The following WDR59 variants were observed in gnomAD, a reference collection of about 807,000 sequenced individuals.
WDR59 encodes the protein GATOR2 complex protein WDR59.
In WDR59, 100 loss-of-function variants were observed where a neutral mutation model predicts 131.2. The ratio of observed to expected loss-of-function variants is 0.76; its 90% CI spans 0.65 to 0.90. The LOEUF is 0.90. Ranked by LOEUF, WDR59 falls within the 40% of genes least tolerant of loss-of-function variation. WDR59 has a pLI of 0.00. For synonymous variants in WDR59, 601 were observed against 466.2 expected (o/e 1.29, Z -3.72); for missense variants, 1,203 against 1,262.2 (o/e 0.95, Z 0.71).
intron 25 of WDR59, among the ~76,000 whole-genome samples, chr16:74,876,422 T>G (rs111605960): frequency 7.2e-4 from 110 of 152,346 alleles, no homozygotes; most frequent in Middle Eastern, 6.8e-3. Context: ...TATTGTGTGT[T>G]CAGGTAAATT....
intron 16 of WDR59, among the ~76,000 whole-genome samples, chr16:74,909,226 G>A (rs575263506): frequency 4.5e-4 from 68 of 152,212 alleles, no homozygotes; most frequent in African/African-American, 1.5e-3. Flanking sequence ...CCTACCAGGC[G>A]AATGCCCCCT....
At chr16:74,886,649 G>A (rs1964779184) in intron 23 of WDR59, among the ~76,000 whole-genome samples, 1 of 152,224 alleles carries the variant, frequency 6.6e-6, no homozygotes, top group Admixed American at 6.5e-5. Context: ...GCTGGGCGTT[G>A]TGGCTCATGC....
At chr16:74,925,944 C>G (rs1056357182) in intron 8 of WDR59, among the ~76,000 whole-genome samples, 2 of 150,360 alleles carry the variant, frequency 1.3e-5, no homozygotes. Flanking sequence ...ATGATCATAC[C>G]ACTGCACTCC....
chr16:74,915,577 ATTTTT>A, intron 13 of WDR59: 5 of 189,748 alleles, frequency 2.6e-5, no homozygotes, highest in Non-Finnish European at 4.2e-5. Flanking sequence ...TTACAGGCTA[ATTTTT>A]TTTTTTTTTT....
intron 18 of WDR59, among the ~76,000 whole-genome samples, chr16:74,896,310 G>C (rs906607933): frequency 6.6e-6 from 1 of 152,122 alleles, no homozygotes; most frequent in African/African-American, 2.4e-5. Context: ...TGAAGGATGA[G>C]GTCTACTAGC....
intron 2 of WDR59, among the ~76,000 whole-genome samples, chr16:74,958,529 G>A (rs1242104278): frequency 7.4e-6 from 1 of 134,442 alleles, no homozygotes; most frequent in Non-Finnish European, 1.5e-5. Flanking sequence ...GGAGGCAGAG[G>A]TTGCAGTGAG....
intron 8 of WDR59, among the ~76,000 whole-genome samples, chr16:74,927,434 ACAAATTAGCCAGG>A: frequency 6.6e-6 from 1 of 151,944 alleles, no homozygotes; most frequent in East Asian, 1.9e-4. Context: ...CTAAAAATAC[ACAAATTAGCCAGG>A]CATGGTGGCA....
At chr16:74,925,657 G>A (rs56368236) in intron 8 of WDR59, among the ~76,000 whole-genome samples, 88,673 of 151,866 alleles carry the variant, frequency 0.58, 26,664 homozygotes, top group East Asian at 0.71. Context: ...GGAATAACAC[G>A]AGGTAGCTCT....
At chr16:74,935,661 G>A (rs911351983) in intron 8 of WDR59, among the ~76,000 whole-genome samples, 2 of 152,024 alleles carry the variant, frequency 1.3e-5, no homozygotes, top group Admixed American at 6.6e-5. Flanking sequence ...TAAAAAAATG[G>A]TTGAATGTTA....
intron 1 of WDR59, among the ~76,000 whole-genome samples, chr16:74,983,845 G>A (rs990475657): frequency 1.3e-5 from 2 of 151,542 alleles, no homozygotes; most frequent in Admixed American, 1.3e-4. Context: ...CGGGCGTGTT[G>A]GCATGCGCCT....
intron 1 of WDR59, among the ~76,000 whole-genome samples, chr16:74,973,316 G>T (rs969595118): frequency 1.8e-5 from 1 of 55,148 alleles, no homozygotes; most frequent in Non-Finnish European, 7.0e-5. Flanking sequence ...TGGGGTTGGC[G>T]GGGGGGCCGG....
At position 74,897,687 on chromosome 16, in the gene WDR59, G is replaced by C. The variant is rs1008702473; in HGVS notation, c.1867-3875C>G. On this transcript the variant is annotated intron_variant, in intron 18 of 25. Transcript: ENST00000262144. ...ACAAAGGATCACCCTAATTAGAGTT[G>C]CTACCGGAACCAAACTGTAAAAGCA... Among the ~76,000 whole-genome samples the C allele has an allele frequency of 4.6e-5, 7 of 152,182 alleles. No individual in the cohort carries two copies. The South Asian group carries it at 1.4e-3, about 32-fold the overall frequency.
chr16:74,972,246 G>T (rs901341676), intron 1 of WDR59, among the ~76,000 whole-genome samples: 1 of 152,102 alleles, frequency 6.6e-6, no homozygotes, highest in Non-Finnish European at 1.5e-5. Context: ...TGATTCTCTT[G>T]GAGTAAATAT....
intron 18 of WDR59, chr16:74,899,592 C>CA: frequency 1.1e-6 from 1 of 935,834 alleles, no homozygotes; most frequent in Non-Finnish European, 1.5e-6. Flanking sequence ...GAAAACAGCT[C>CA]GCCTGTCATT....
chr16:74,971,426 C>CTTTTTTTTTTTT (rs58120924), intron 1 of WDR59, among the ~76,000 whole-genome samples: 2 of 90,184 alleles, frequency 2.2e-5, no homozygotes, highest in Non-Finnish European at 4.0e-5. Context: ...TCTTTCCTTC[C>CTTTTTTTTTTTT]TTTTTTTTTT....
intron 17 of WDR59, among the ~76,000 whole-genome samples, chr16:74,905,697 T>A (rs1302389423): frequency 4.8e-5 from 7 of 146,650 alleles, no homozygotes; most frequent in Non-Finnish European, 1.1e-4. Flanking sequence ...ATAATAATAA[T>A]AAATAAAAAA....
rs1399062452 is a variant in WDR59, at chr16:74,886,343, C to A, written c.2473G>T (p.Glu825Ter). The change falls in exon 24 of 26, where the codon GAG becomes TAG. Residue 825 changes from glutamate to a stop codon, truncating the protein, a stop_gained. Coordinates refer to ENST00000262144, the MANE Select transcript of WDR59 (RefSeq NM_030581.4). LOFTEE classifies it high-confidence loss of function. ...TAGGTCAGACTCCCAAAGCGGAGCT[C>A]TTCTGGTGAGGATTCTCCCCAAGGG... ...SSPWGESSPE[E>*]LRFGSLTYSD... 2 of 1,613,844 alleles carry A rather than the reference C, an allele frequency of 1.2e-6. No individual in the cohort carries two copies. The highest frequency in any genetic ancestry group is 2.2e-5 in the South Asian group (2 of 91,072).
At chr16:74,961,257 G>A (rs779789975) in intron 2 of WDR59, among the ~76,000 whole-genome samples, 2 of 152,008 alleles carry the variant, frequency 1.3e-5, no homozygotes, top group Non-Finnish European at 2.9e-5. Flanking sequence ...GCAGTGAGCC[G>A]TGATCTGCAT....
At chr16:74,881,681 T>C (rs878974053) in intron 25 of WDR59, among the ~76,000 whole-genome samples, 1 of 152,048 alleles carries the variant, frequency 6.6e-6, no homozygotes, top group Admixed American at 6.5e-5. Context: ...GAGACCAGCC[T>C]GGCCAACATG....
Sources: allele counts gnomAD v4.1 joint callset (sites outside exome capture counted in the v4.1 genomes callset), GRCh38; gene constraint gnomAD v4.1.1; transcripts MANE v1.5; gene names NCBI Gene and HGNC (gene_info 2026-07-23, HGNC 2026-07-21).